The following KCNH7 variants were observed in gnomAD, a reference collection of about 807,000 sequenced individuals.
The protein encoded by KCNH7 is voltage-gated inwardly rectifying potassium channel KCNH7.
A neutral mutation model predicts 120.8 loss-of-function variants in KCNH7; 49 were observed. That is an observed-to-expected ratio of 0.41 (90% CI 0.32 to 0.51). The LOEUF is 0.51. Among genes scored for constraint, KCNH7 ranks in the 20% least tolerant of loss-of-function variants. The pLI, the probability that KCNH7 is intolerant of heterozygous loss-of-function variation, is 0.38. For synonymous variants in KCNH7, 547 were observed against 516.1 expected (o/e 1.06, Z -0.81); for missense variants, 1,097 against 1,446.6 (o/e 0.76, Z 3.92).
chr2:162,463,328 C>T (rs1334227649), intron 6 of KCNH7, among the ~76,000 whole-genome samples: 2 of 151,776 alleles, frequency 1.3e-5, no homozygotes. Context: ...TTCTCCTTCC[C>T]TCTCTCCTTT....
chr2:162,500,211 A>G (rs1377620371), intron 6 of KCNH7, among the ~76,000 whole-genome samples: 1 of 148,094 alleles, frequency 6.8e-6, no homozygotes, highest in East Asian at 1.9e-4. Context: ...CATGTTATAT[A>G]CAATATAATA....
intron 9 of KCNH7, among the ~76,000 whole-genome samples, chr2:162,409,997 C>T (rs140674837): frequency 1.1e-4 from 17 of 152,048 alleles, no homozygotes; most frequent in Admixed American, 9.2e-4. Context: ...TTAAAATGAC[C>T]ACACGGCCCA....
chr2:162,820,938 A>G (rs1685098342), intron 2 of KCNH7, among the ~76,000 whole-genome samples: 4 of 152,182 alleles, frequency 2.6e-5, no homozygotes, highest in Admixed American at 1.3e-4. Flanking sequence ...TGTTTTTATT[A>G]GAATGTTAAT....
chr2:162,422,397 G>T (rs1448102231), intron 9 of KCNH7, among the ~76,000 whole-genome samples: 3 of 152,120 alleles, frequency 2.0e-5, no homozygotes, highest in African/African-American at 7.2e-5. Context: ...AATTAAATAT[G>T]AGTGCTTTTA....
intron 2 of KCNH7, among the ~76,000 whole-genome samples, chr2:162,598,725 T>A (rs1454957641): frequency 6.6e-6 from 1 of 152,158 alleles, no homozygotes; most frequent in Non-Finnish European, 1.5e-5. Flanking sequence ...AAGTTCTTTC[T>A]AGCATTAAAG....
intron 2 of KCNH7, among the ~76,000 whole-genome samples, chr2:162,720,285 T>C (rs1482655213): frequency 7.5e-6 from 1 of 132,722 alleles, no homozygotes; most frequent in Admixed American, 8.3e-5. Context: ...CTTCACCATC[T>C]AGTGATGTGT....
intron 2 of KCNH7, among the ~76,000 whole-genome samples, chr2:162,583,405 C>A (rs992961083): frequency 6.6e-6 from 1 of 152,046 alleles, no homozygotes; most frequent in Non-Finnish European, 1.5e-5. Context: ...ATTACATTTT[C>A]TCCAGGGTTA....
At chr2:162,734,150 T>C (rs1687821195) in intron 2 of KCNH7, among the ~76,000 whole-genome samples, 1 of 152,138 alleles carries the variant, frequency 6.6e-6, no homozygotes, top group Non-Finnish European at 1.5e-5. Flanking sequence ...CAAAAAGCTC[T>C]ACATAATAAT....
intron 2 of KCNH7, among the ~76,000 whole-genome samples, chr2:162,832,207 T>C (rs980592761): frequency 1.3e-5 from 2 of 152,128 alleles, no homozygotes; most frequent in Non-Finnish European, 2.9e-5. Flanking sequence ...TGAAAATCTT[T>C]CTCATTGCTT....
Position 162,446,118 on chromosome 2 carries a change from G to A in KCNH7, c.1454C>T (p.Pro485Leu). Residue 485 changes from proline to leucine, a missense_variant, in exon 7 of 16, where the codon CCC becomes CTC. Around this residue, in one of 8 missense-constraint regions of KCNH7, gnomAD observed 109 missense variants for 196.8 expected, o/e 0.55. Coordinates refer to ENST00000332142, the MANE Select transcript of KCNH7 (RefSeq NM_033272.4). ...VNQNEEVVSD[P>L]AKIAIHYFKG... Reference sequence around the variant, plus strand: ...GAAGTAGTGTATTGCTATTTTGGCGGGATCACTTACCACTTCTTCATTCTG... The same window carrying A: ...GAAGTAGTGTATTGCTATTTTGGCGAGATCACTTACCACTTCTTCATTCTG... The A allele has an allele frequency of 6.2e-7, 1 of 1,613,760 alleles. No homozygotes were observed. The highest frequency in any genetic ancestry group is 8.5e-7 in the Non-Finnish European group (1 of 1,179,788).
intron 4 of KCNH7, among the ~76,000 whole-genome samples, chr2:162,513,393 C>T (rs1461147529): frequency 1.4e-5 from 2 of 143,672 alleles, no homozygotes; most frequent in Admixed American, 7.0e-5. Context: ...TTCTCTCCTT[C>T]CCTCCTTCCT....
At chr2:162,494,668 G>A (rs1428753326) in intron 6 of KCNH7, among the ~76,000 whole-genome samples, 2 of 151,936 alleles carry the variant, frequency 1.3e-5, no homozygotes, top group Non-Finnish European at 2.9e-5. Flanking sequence ...AACTATCCTG[G>A]GTATTTTGTC....
intron 2 of KCNH7, among the ~76,000 whole-genome samples, chr2:162,772,554 CT>C (rs954038773): frequency 3.9e-5 from 6 of 151,954 alleles, no homozygotes; most frequent in African/African-American, 1.5e-4. Flanking sequence ...CTTTTTCTCC[CT>C]TTTTCCATTG....
chr2:162,789,241 T>C (rs941574997), intron 2 of KCNH7, among the ~76,000 whole-genome samples: 1 of 152,068 alleles, frequency 6.6e-6, no homozygotes, highest in Non-Finnish European at 1.5e-5. Context: ...GTGATGGTGG[T>C]GTGTAGATCA....
At chr2:162,700,379 A>G (rs1323284309) in intron 2 of KCNH7, among the ~76,000 whole-genome samples, 1 of 152,158 alleles carries the variant, frequency 6.6e-6, no homozygotes, top group Non-Finnish European at 1.5e-5. Context: ...TGACCTCGTG[A>G]CTGGAAAGTC....
intron 2 of KCNH7, among the ~76,000 whole-genome samples, chr2:162,559,054 C>CAAAAAAAAAAAAAAAAAAAAAAAGAAAAA (rs780823559): frequency 2.7e-5 from 1 of 37,180 alleles, no homozygotes; most frequent in African/African-American, 1.1e-4. Flanking sequence ...GACTCTGCCT[C>CAAAAAAAAAAAAAAAAAAAAAAAGAAAAA]AAAAAAAAAA....
At chr2:162,609,785 C>G (rs758322669) in intron 2 of KCNH7, among the ~76,000 whole-genome samples, 3 of 152,062 alleles carry the variant, frequency 2.0e-5, no homozygotes, top group Non-Finnish European at 4.4e-5. Flanking sequence ...AATAGCGACT[C>G]CTGAATAGTC....
chr2:162,755,910 ATTTATATCTGC>A (rs1559118061), intron 2 of KCNH7, among the ~76,000 whole-genome samples: 1 of 152,136 alleles, frequency 6.6e-6, no homozygotes. Flanking sequence ...TGATAGTCTT[ATTTATATCTGC>A]TTTATTGTGG....
At chr2:162,726,265 C>T (rs1687515388) in intron 2 of KCNH7, among the ~76,000 whole-genome samples, 1 of 151,942 alleles carries the variant, frequency 6.6e-6, no homozygotes, top group Admixed American at 6.6e-5. Context: ...GATGGTTATC[C>T]TCAGATACCA....
Sources: allele counts gnomAD v4.1 joint callset (sites outside exome capture counted in the v4.1 genomes callset), GRCh38; gene constraint gnomAD v4.1.1; regional missense constraint gnomAD v4.1.1; transcripts MANE v1.5; gene names NCBI Gene and HGNC (gene_info 2026-07-23, HGNC 2026-07-21).